FAM20B: variants seen among roughly 807,000 people sequenced by gnomAD.
FAM20B encodes FAM20B glycosaminoglycan xylosylkinase.
Under a neutral mutation model 43.8 loss-of-function variants are expected in FAM20B, and 23 were observed. The ratio of observed to expected loss-of-function variants is 0.53; its 90% CI spans 0.38 to 0.74. The LOEUF is 0.74. Ranked by LOEUF, FAM20B falls within the 30% of genes least tolerant of loss-of-function variation. FAM20B has a pLI of 0.00. For synonymous variants in FAM20B, 178 were observed against 192.4 expected (o/e 0.93, Z 0.62); for missense variants, 440 against 510.5 (o/e 0.86, Z 1.33).
chr1:179,023,465 T>C (rs903277313), upstream of FAM20B, among the ~76,000 whole-genome samples: 7 of 152,202 alleles, frequency 4.6e-5, no homozygotes, highest in African/African-American at 1.4e-4. Flanking sequence ...CACAAGAGTC[T>C]TGACAAAGTG....
rs1651998389 is a variant in FAM20B, at chr1:179,073,153, T to C, written c.*1009T>C. 1 of 152,192 alleles carries C rather than the reference T, an allele frequency of 6.6e-6. No homozygotes were observed. Among genetic ancestry groups the C allele is most frequent in the African/African-American group, 2.4e-5 (1 of 41,442 alleles). 9.4% of individuals were successfully genotyped at this position (152,192 alleles called of 1,614,324 possible). ...GGCATTTTTGTCACTGAAGCTGCTG[T>C]TCCCAAGAGATCGGCAACCTTTTTG... is the stretch of plus-strand genomic sequence containing the variant. On this transcript the variant is annotated 3_prime_UTR_variant, in exon 8 of 8. Transcript: ENST00000263733.
chr1:179,019,059 C>A, the FAM20B span, among the ~76,000 whole-genome samples: 1 of 152,122 alleles, frequency 6.6e-6, no homozygotes, highest in South Asian at 2.1e-4. Context: ...CTGTTTATAC[C>A]CTGAACAGAT....
At chr1:179,035,972 A>C (rs771254969) in intron 1 of FAM20B, among the ~76,000 whole-genome samples, 84 of 152,154 alleles carry the variant, frequency 5.5e-4, no homozygotes, top group Admixed American at 4.6e-4. Context: ...TCTACTAAAA[A>C]TACAAAAATT....
intron 6 of FAM20B, among the ~76,000 whole-genome samples, chr1:179,065,844 A>T (rs1651668378): frequency 1.3e-5 from 2 of 152,184 alleles, no homozygotes; most frequent in Non-Finnish European, 2.9e-5. Context: ...ACAGTTTTGG[A>T]GGCTGGGAAC....
In FAM20B at chr1:179,072,167, A is replaced by G. The variant is rs1651953092; in HGVS notation, c.*23A>G. ...TAATTCTCGACACAAAATAAGTGAA[A>G]CTTCTTTTTACAAAGATAGAGAAAC... On this transcript the variant is annotated 3_prime_UTR_variant, in exon 8 of 8. Coordinates refer to ENST00000263733, the MANE Select transcript of FAM20B (RefSeq NM_014864.4). 2 of 1,544,794 alleles carry G rather than the reference A, an allele frequency of 1.3e-6. No homozygotes were observed. The highest frequency in any genetic ancestry group is 1.8e-5 in the Admixed American group (1 of 56,558).
intron 1 of FAM20B, among the ~76,000 whole-genome samples, chr1:179,039,089 TG>T (rs1432397674): frequency 6.6e-6 from 1 of 152,230 alleles, no homozygotes. Flanking sequence ...TCTATTTTTT[TG>T]TATTGGTTTT....
At chr1:179,033,767 A>G (rs1365930449) in intron 1 of FAM20B, among the ~76,000 whole-genome samples, 4 of 151,974 alleles carry the variant, frequency 2.6e-5, no homozygotes. Flanking sequence ...ATGTCGGCTC[A>G]CTGCAACCTC....
At chr1:179,071,300 A>G (rs963844122) in intron 7 of FAM20B, among the ~76,000 whole-genome samples, 15 of 152,026 alleles carry the variant, frequency 9.9e-5, no homozygotes, top group African/African-American at 3.4e-4. Flanking sequence ...TGTCTCAAAA[A>G]AAAAATAATA....
At chr1:179,054,427 AC>A (rs1414211550) in intron 3 of FAM20B, 101 bp from the exon 4 acceptor site, 1 of 671,414 alleles carries the variant, frequency 1.5e-6, no homozygotes, top group Non-Finnish European at 2.6e-6. Flanking sequence ...CTAGCTAAAA[AC>A]CCTTTACACA....
chr1:179,030,721 G>A (rs1269202146), intron 1 of FAM20B, among the ~76,000 whole-genome samples: 1 of 152,078 alleles, frequency 6.6e-6, no homozygotes, highest in African/African-American at 2.4e-5. Context: ...AACCCTAAAG[G>A]TCTTTCTCCT....
At chr1:179,032,310 ATTCTTTTT>A (rs750142411) in intron 1 of FAM20B, among the ~76,000 whole-genome samples, 2 of 112,598 alleles carry the variant, frequency 1.8e-5, no homozygotes, top group African/African-American at 3.9e-5. Flanking sequence ...TAGAGGTCTC[ATTCTTTTT>A]TTTTTTTTTT....
chr1:179,049,602 A>G (rs1209542080), intron 2 of FAM20B, among the ~76,000 whole-genome samples: 2 of 152,096 alleles, frequency 1.3e-5, no homozygotes, highest in South Asian at 4.1e-4. Context: ...GTGCAGTGGC[A>G]CAGTCTCGGC....
Position 179,031,552 on chromosome 1 carries a change from A to C in FAM20B, c.-134+5454A>C, listed in dbSNP as rs377397021. Among the ~76,000 whole-genome samples the C allele has an allele frequency of 1.7e-3, 260 of 152,354 alleles. 2 individuals carry two copies. The highest frequency in any genetic ancestry group is 6.2e-3 in the African/African-American group (258 of 41,570). On this transcript the variant is annotated intron_variant, in intron 1 of 7. Coordinates refer to ENST00000263733, the MANE Select transcript of FAM20B (RefSeq NM_014864.4). ...TTTACTTTCACATCCAGCAAGAAAG[A>C]CTACCTTAATGCTTCATTAATGCCT...
At position 179,044,132 on chromosome 1, in the gene FAM20B, A is replaced by G. The variant is rs752511224; in HGVS notation, c.285A>G (p.Lys95=). The change falls in exon 2 of 8, where the codon AAA becomes AAG. Residue 95 remains lysine, a synonymous_variant. Transcript: ENST00000263733. ...TCATGCATGCCATGGCCACCAAGAA[A>G]ATCATTAAAGCTGATGTGGGTTATA... ...GAVMHAMATK[K]IIKADVGYKG... 2.5e-6 allele frequency: 4 copies of G among 1,614,198 alleles called. No individual in the cohort carries two copies. Among genetic ancestry groups the G allele is most frequent in the Middle Eastern group, 1.7e-4 (1 of 6,060 alleles).
rs1451470425 is a variant in FAM20B at position 179,066,865 on chromosome 1, T to G, written c.998+6T>G. 1 of 1,595,672 alleles carries G rather than the reference T, an allele frequency of 6.3e-7. No individual in the cohort carries two copies. Among genetic ancestry groups the G allele is most frequent in the Non-Finnish European group, 8.6e-7 (1 of 1,163,284 alleles). Reference sequence around the variant, plus strand: ...CCTCTCTATCAGTGTTGCATGTAAGTTATGCACAGCAAATACATGTGCCTG... The same window carrying G: ...CCTCTCTATCAGTGTTGCATGTAAGGTATGCACAGCAAATACATGTGCCTG... On this transcript the variant is annotated splice_donor_region_variant and intron_variant, in intron 7 of 7. Transcript: ENST00000263733.
Position 179,074,418 on chromosome 1 carries a change from G to T in FAM20B, c.*2274G>T, listed in dbSNP as rs3766625. 2 of 152,502 alleles carry T rather than the reference G, an allele frequency of 1.3e-5. No homozygotes were observed. Among genetic ancestry groups the T allele is most frequent in the Non-Finnish European group, 2.9e-5 (2 of 68,016 alleles). The allele number at this position is 152,502 out of a possible 1,614,324, so 9.4% of individuals were successfully genotyped here. A position where few individuals can be genotyped will look rare whatever the true frequency, so the allele number is the denominator to read the frequency against. ...AAGAGATGTCATCTCTGCTCTCCCT[G>T]TAAATGTTAGTTGAACTAAGTTATG... On this transcript the variant is annotated 3_prime_UTR_variant, in exon 8 of 8. Transcript: ENST00000263733.
At chr1:179,041,224 C>CAG (rs1322337842) in intron 1 of FAM20B, among the ~76,000 whole-genome samples, 4 of 151,686 alleles carry the variant, frequency 2.6e-5, no homozygotes, top group African/African-American at 9.8e-5. Flanking sequence ...GGCAACCAGG[C>CAG]AGAGACGCTC....
chr1:179,034,621 A>G (rs1177001708), intron 1 of FAM20B, among the ~76,000 whole-genome samples: 1 of 152,184 alleles, frequency 6.6e-6, no homozygotes, highest in East Asian at 1.9e-4. Flanking sequence ...CTTACCTCCT[A>G]TACTCACCAA....
At chr1:179,038,859 A>G (rs1650360114) in intron 1 of FAM20B, among the ~76,000 whole-genome samples, 2 of 152,252 alleles carry the variant, frequency 1.3e-5, no homozygotes, top group South Asian at 4.1e-4. Context: ...AACAGGTGGC[A>G]GGGAATAATT....
Sources: allele counts gnomAD v4.1 joint callset (sites outside exome capture counted in the v4.1 genomes callset), GRCh38; gene constraint gnomAD v4.1.1; transcripts MANE v1.5; gene names NCBI Gene and HGNC (gene_info 2026-07-23, HGNC 2026-07-21).